Variants in MACROD1 observed in about 807,000 individuals in gnomAD.
MACROD1 encodes mono-ADP ribosylhydrolase 1, also known as ADP-ribose glycohydrolase MACROD1.
MACROD1 carries 31 observed loss-of-function variants against 41.4 expected under a neutral mutation model. The ratio of observed to expected loss-of-function variants is 0.75; its 90% CI spans 0.56 to 1.01. The LOEUF (loss-of-function observed/expected upper bound fraction) is 1.01, where lower values mean the gene tolerates loss of function less well. Among genes scored for constraint, MACROD1 ranks in the 50% least tolerant of loss-of-function variants. The probability of loss-of-function intolerance (pLI) is 0.00; values close to 1 mark genes in which losing one functional copy is unlikely to be tolerated. For missense variants in MACROD1, 473 were observed against 460.0 expected (o/e 1.03, Z -0.26); for synonymous variants, 252 against 203.4 (o/e 1.24, Z -2.03).
At chr11:64,114,009 T>G (rs540418958) in intron 3 of MACROD1, among the ~76,000 whole-genome samples, 5 of 136,828 alleles carry the variant, frequency 3.7e-5, no homozygotes, top group African/African-American at 1.3e-4. Context: ...GACAGGTGGA[T>G]GCATGGATGG....
intron 3 of MACROD1, among the ~76,000 whole-genome samples, chr11:64,107,666 G>T (rs918234476): frequency 6.6e-6 from 1 of 152,224 alleles, no homozygotes; most frequent in Non-Finnish European, 1.5e-5. Flanking sequence ...AGTTCTAAAT[G>T]ATACCAGTGG....
chr11:64,124,459 G>A (rs1166592969), intron 3 of MACROD1, among the ~76,000 whole-genome samples: 2 of 152,208 alleles, frequency 1.3e-5, no homozygotes, highest in Non-Finnish European at 2.9e-5. Context: ...TTCCAAGTAG[G>A]TGCCTGAAAT....
intron 3 of MACROD1, among the ~76,000 whole-genome samples, chr11:64,083,899 G>C (rs774840611): frequency 4.6e-5 from 7 of 152,210 alleles, no homozygotes; most frequent in Non-Finnish European, 1.0e-4. Flanking sequence ...GCGTGCAGGC[G>C]GGCGTGCGGC....
intron 3 of MACROD1, among the ~76,000 whole-genome samples, chr11:64,041,697 C>T (rs569862110): frequency 2.0e-5 from 3 of 152,210 alleles, no homozygotes; most frequent in Admixed American, 6.5e-5. Flanking sequence ...GGACAAAATC[C>T]GAGGGACTGA....
At chr11:64,000,645 C>G (rs988571003) in intron 4 of MACROD1, among the ~76,000 whole-genome samples, 1 of 152,106 alleles carries the variant, frequency 6.6e-6, no homozygotes, top group Non-Finnish European at 1.5e-5. Flanking sequence ...CCAGGCAGGG[C>G]GGCTCCGGGA....
intron 3 of MACROD1, among the ~76,000 whole-genome samples, chr11:64,087,385 C>T (rs1463532694): frequency 1.3e-5 from 2 of 152,170 alleles, no homozygotes; most frequent in African/African-American, 4.8e-5. Context: ...TAGCCCTGAC[C>T]ACAGGCCGGT....
At chr11:64,160,471 G>T (rs1333186459) in intron 1 of MACROD1, among the ~76,000 whole-genome samples, 1 of 152,122 alleles carries the variant, frequency 6.6e-6, no homozygotes, top group African/African-American at 2.4e-5. Flanking sequence ...TCTAGGTACA[G>T]CCCTGAAATG....
intron 3 of MACROD1, chr11:64,117,882 C>T: frequency 2.5e-6 from 4 of 1,614,056 alleles, no homozygotes; most frequent in Non-Finnish European, 1.7e-6. Context: ...TACCACCACA[C>T]TCAACCAGGA....
intron 3 of MACROD1, among the ~76,000 whole-genome samples, chr11:64,125,803 G>T (rs1433771057): frequency 1.3e-5 from 2 of 152,224 alleles, no homozygotes; most frequent in African/African-American, 2.4e-5. Flanking sequence ...CCCCACAGAG[G>T]CGCTGCAAGA....
chr11:64,118,151 C>T (rs767062332), intron 3 of MACROD1: 14 of 1,613,732 alleles, frequency 8.7e-6, no homozygotes, highest in East Asian at 4.5e-5. Context: ...ACCCGTACCG[C>T]GCCAAAGAAG....
chr11:63,999,831 C>A, intron 5 of MACROD1, 68 bp from the exon 6 acceptor site: 1 of 1,526,288 alleles, frequency 6.6e-7, no homozygotes, highest in Admixed American at 1.8e-5. Flanking sequence ...CTTCCCCCTG[C>A]CGGCCTGGGC....
intron 3 of MACROD1, among the ~76,000 whole-genome samples, chr11:64,030,206 CT>C (rs769534933): frequency 2.6e-5 from 4 of 151,754 alleles, no homozygotes; most frequent in Non-Finnish European, 5.9e-5. Flanking sequence ...ACTCTACCCA[CT>C]CCCCAGTAGC....
In MACROD1 at chr11:64,010,296, T is replaced by TTG. The variant is rs1565193091; in HGVS notation, c.547+4955_547+4956insCA. On this transcript the variant is annotated intron_variant, in intron 4 of 10. Coordinates refer to ENST00000255681, the MANE Select transcript of MACROD1 (RefSeq NM_014067.4). ...TGGGGTGTTGGCTGGCATGTTGGGG[T>TTG]GTTGGAGTGTTGGCTGGTATGTTGT... is the stretch of plus-strand genomic sequence containing the variant. Among the ~76,000 whole-genome samples, 18 of 86,338 alleles carry TTG rather than the reference T, an allele frequency of 2.1e-4. 1 individual carries two copies. Among genetic ancestry groups the TTG allele is most frequent in the South Asian group, 3.8e-4 (1 of 2,610 alleles). The allele number at this position is 86,338 out of a possible 152,430, so 56.6% of individuals were successfully genotyped here.
intron 3 of MACROD1, among the ~76,000 whole-genome samples, chr11:64,135,148 G>C (rs944373337): frequency 5.9e-5 from 9 of 152,162 alleles, no homozygotes; most frequent in African/African-American, 1.9e-4. Flanking sequence ...CTGGCAAGGT[G>C]CCCCAGATGG....
chr11:64,017,562 C>G (rs935174189), intron 3 of MACROD1, among the ~76,000 whole-genome samples: 16 of 152,162 alleles, frequency 1.1e-4, no homozygotes, highest in African/African-American at 3.6e-4. Context: ...GGCTTGCCTT[C>G]TCGAAACCAG....
rs117051080 is a variant in MACROD1, at chr11:64,129,874, C to G, written c.517+21365G>C. ...CCGCACAGGAGGGAATTGCCAGGAC[C>G]TGCATTTCAGGAATGAAAGGAAAAC... On this transcript the variant is annotated intron_variant, in intron 3 of 10. Transcript: ENST00000255681. Among the ~76,000 whole-genome samples the G allele has an allele frequency of 9.8e-3, 1,497 of 152,242 alleles. 7 individuals carry two copies. Among genetic ancestry groups the G allele is most frequent in the Admixed American group, 0.015 (236 of 15,304 alleles).
At chr11:64,063,614 A>G (rs1943943831) in intron 3 of MACROD1, among the ~76,000 whole-genome samples, 1 of 152,184 alleles carries the variant, frequency 6.6e-6, no homozygotes, top group African/African-American at 2.4e-5. Flanking sequence ...TCACGTAGGA[A>G]TGAAACCACC....
At chr11:64,033,225 C>A (rs187611808) in intron 3 of MACROD1, among the ~76,000 whole-genome samples, 20 of 152,320 alleles carry the variant, frequency 1.3e-4, no homozygotes, top group Middle Eastern at 3.4e-3. Context: ...GGGCGAGATC[C>A]AGCAGGGCCC....
chr11:64,130,038 A>C (rs1434357345), intron 3 of MACROD1, among the ~76,000 whole-genome samples: 1 of 152,084 alleles, frequency 6.6e-6, no homozygotes, highest in Non-Finnish European at 1.5e-5. Flanking sequence ...GAGCCCTGAC[A>C]CCATGTCTTC....
Sources: gnomAD v4.1 joint callset for allele counts (sites outside exome capture counted in the v4.1 genomes callset) on GRCh38, gnomAD v4.1.1 for gene constraint, MANE v1.5 for transcripts, NCBI Gene and HGNC (gene_info 2026-07-23, HGNC 2026-07-21) for gene names.